Variants in FOXN2 observed in about 807,000 individuals in gnomAD.
FOXN2 encodes the protein forkhead box N2.
A neutral mutation model predicts 41.2 loss-of-function variants in FOXN2; 19 were observed. That is an observed-to-expected ratio of 0.46 (90% CI 0.32 to 0.68). FOXN2 has a LOEUF of 0.68. Among genes scored for constraint, FOXN2 ranks in the 30% least tolerant of loss-of-function variants. The pLI, the probability that FOXN2 is intolerant of heterozygous loss-of-function variation, is 0.03. For synonymous variants in FOXN2, 195 were observed against 176.8 expected, an observed-to-expected ratio of 1.10 and a Z score of -0.82; for missense variants, 587 against 509.4, an observed-to-expected ratio of 1.15 and a Z score of -1.47.
chr2:48,369,097 G>C (rs189685261), intron 5 of FOXN2, among the ~76,000 whole-genome samples: 11 of 152,240 alleles, frequency 7.2e-5, no homozygotes, highest in Admixed American at 7.2e-4. Flanking sequence ...TACTGTTATA[G>C]AAACAGTACT....
intron 4 of FOXN2, 125 bp from the exon 5 acceptor site, chr2:48,362,512 TAGGCTG>T (rs1672255137): frequency 1.4e-6 from 1 of 706,268 alleles, no homozygotes; most frequent in South Asian, 1.7e-5. Flanking sequence ...AAGGCTGCAG[TAGGCTG>T]AAATCATGCC....
intron 2 of FOXN2, among the ~76,000 whole-genome samples, chr2:48,330,170 A>G (rs1669941275): frequency 6.6e-6 from 1 of 152,168 alleles, no homozygotes; most frequent in South Asian, 2.1e-4. Context: ...TTATTATAAT[A>G]AGCTGATAAT....
At chr2:48,327,633 C>T (rs556184607) in intron 1 of FOXN2, among the ~76,000 whole-genome samples, 7 of 152,094 alleles carry the variant, frequency 4.6e-5, no homozygotes, top group African/African-American at 1.2e-4. Context: ...TTAGTAGAGA[C>T]GGTGTTTCTC....
rs968795640 is a variant in FOXN2, at chr2:48,378,884, C to T, written c.*3441C>T. On this transcript the variant is annotated 3_prime_UTR_variant, in exon 7 of 7. Coordinates refer to ENST00000340553, the MANE Select transcript of FOXN2 (RefSeq NM_002158.4). ...CATTGTCAAAACTTATTTTTTAAAT[C>T]GTTGTACATTTCTTATTAAACTAAG... The T allele has an allele frequency of 6.6e-6, 1 of 152,240 alleles. No homozygotes were observed. Among genetic ancestry groups the T allele is most frequent in the Non-Finnish European group, 1.5e-5 (1 of 67,918 alleles). The allele number at this position is 152,240 out of a possible 1,614,324, so 9.4% of individuals were successfully genotyped here.
chr2:48,361,811 A>C (rs1198831820), intron 4 of FOXN2, among the ~76,000 whole-genome samples: 1 of 152,200 alleles, frequency 6.6e-6, no homozygotes, highest in African/African-American at 2.4e-5. Context: ...TCTTTCCATG[A>C]ATATAGAAAG....
At chr2:48,337,426 G>A (rs543967041) in intron 2 of FOXN2, among the ~76,000 whole-genome samples, 1 of 151,614 alleles carries the variant, frequency 6.6e-6, no homozygotes, top group Non-Finnish European at 1.5e-5. Context: ...TCCTCCCAAA[G>A]TAGCTGGGAC....
At chr2:48,318,482 C>T (rs183238317) in intron 1 of FOXN2, among the ~76,000 whole-genome samples, 22 of 152,210 alleles carry the variant, frequency 1.4e-4, no homozygotes, top group Admixed American at 2.6e-4. Flanking sequence ...TACAAACTAA[C>T]GACATGATAA....
chr2:48,360,956 A>T (rs530551256), intron 4 of FOXN2, among the ~76,000 whole-genome samples: 3 of 151,374 alleles, frequency 2.0e-5, no homozygotes, highest in Non-Finnish European at 4.4e-5. Flanking sequence ...AGATGTTGCA[A>T]TGAGCCAAGA....
chr2:48,331,878 T>C (rs1372672109), intron 2 of FOXN2, among the ~76,000 whole-genome samples: 1 of 152,106 alleles, frequency 6.6e-6, no homozygotes, highest in Admixed American at 6.6e-5. Flanking sequence ...TAGCTGGATT[T>C]TTTTTGGTCA....
intron 5 of FOXN2, among the ~76,000 whole-genome samples, chr2:48,369,908 A>G (rs1182100652): frequency 2.0e-5 from 3 of 151,978 alleles, no homozygotes; most frequent in Non-Finnish European, 2.9e-5. Flanking sequence ...GCTAAGGTTG[A>G]AGGATCGTTT....
At chr2:48,358,674 T>C (rs1367906886) in intron 3 of FOXN2, among the ~76,000 whole-genome samples, 1 of 152,216 alleles carries the variant, frequency 6.6e-6, no homozygotes, top group Non-Finnish European at 1.5e-5. Context: ...TCATAGAAGA[T>C]TTGATACACG....
chr2:48,363,546 C>A (rs144682812), intron 5 of FOXN2, among the ~76,000 whole-genome samples: 99 of 152,314 alleles, frequency 6.5e-4, no homozygotes, highest in African/African-American at 2.3e-3. Flanking sequence ...ACCACTAACA[C>A]TCTCTGGCTC....
chr2:48,325,749 T>C (rs1403086586), intron 1 of FOXN2, among the ~76,000 whole-genome samples: 2 of 151,782 alleles, frequency 1.3e-5, no homozygotes, highest in African/African-American at 4.8e-5. Flanking sequence ...ATCTCAGGTG[T>C]GACAAATGTT....
chr2:48,348,033 A>G (rs1671227375), intron 3 of FOXN2, among the ~76,000 whole-genome samples: 1 of 150,526 alleles, frequency 6.6e-6, no homozygotes, highest in African/African-American at 2.4e-5. Flanking sequence ...GAGGGCCTAG[A>G]TGTGTTATTC....
chr2:48,326,357 A>G (rs1354048622), intron 1 of FOXN2, among the ~76,000 whole-genome samples: 1 of 152,224 alleles, frequency 6.6e-6, no homozygotes, highest in Non-Finnish European at 1.5e-5. Context: ...GAGCATGGCT[A>G]AAATACGCAG....
At chr2:48,330,506 C>G (rs1349585259) in intron 2 of FOXN2, among the ~76,000 whole-genome samples, 1 of 152,122 alleles carries the variant, frequency 6.6e-6, no homozygotes, top group Non-Finnish European at 1.5e-5. Context: ...GAATGACTAC[C>G]TCTTTCTCTT....
intron 3 of FOXN2, 46 bp from the exon 4 acceptor site, chr2:48,359,001 G>T: frequency 1.4e-6 from 2 of 1,401,586 alleles, no homozygotes; most frequent in Non-Finnish European, 2.0e-6. Context: ...GACGCTGACT[G>T]TTTATGTATA....
At chr2:48,322,508 C>G (rs543545178) in intron 1 of FOXN2, among the ~76,000 whole-genome samples, 1 of 152,118 alleles carries the variant, frequency 6.6e-6, no homozygotes, top group Non-Finnish European at 1.5e-5. Flanking sequence ...CTCATGCTCA[C>G]GCTCACGCGG....
chr2:48,356,605 T>G (rs1483170680), intron 3 of FOXN2, among the ~76,000 whole-genome samples: 1 of 152,224 alleles, frequency 6.6e-6, no homozygotes, highest in Non-Finnish European at 1.5e-5. Context: ...TCAGAGGTTC[T>G]AAAAGCCACT....
Sources: allele counts gnomAD v4.1 joint callset (sites outside exome capture counted in the v4.1 genomes callset), GRCh38; gene constraint gnomAD v4.1.1; transcripts MANE v1.5; gene names NCBI Gene and HGNC (gene_info 2026-07-23, HGNC 2026-07-21).